Variants in BCAS3 observed in about 807,000 individuals in gnomAD.
BCAS3 encodes the protein BCAS4/BCAS3 fusion.
In BCAS3, 53 loss-of-function variants were observed where a neutral mutation model predicts 116.1. The observed-to-expected ratio is 0.46, with a 90% confidence interval of 0.37 to 0.57. The LOEUF (loss-of-function observed/expected upper bound fraction) is 0.57. Ranked by LOEUF, BCAS3 falls within the 20% of genes least tolerant of loss-of-function variation. The pLI is 0.00. For missense variants in BCAS3, 917 were observed against 1,165.4 expected (o/e 0.79, Z 3.10); for synonymous variants, 391 against 408.2 (o/e 0.96, Z 0.51).
intron 14 of BCAS3, among the ~76,000 whole-genome samples, chr17:60,984,720 T>G (rs935110747): frequency 6.6e-6 from 1 of 152,000 alleles, no homozygotes; most frequent in Non-Finnish European, 1.5e-5. Flanking sequence ...CATGAAATGT[T>G]TTGTTTTATC....
At chr17:60,749,448 C>T (rs907784941) in intron 6 of BCAS3, among the ~76,000 whole-genome samples, 2 of 152,048 alleles carry the variant, frequency 1.3e-5, no homozygotes, top group African/African-American at 2.4e-5. Context: ...TTTTCCTGGA[C>T]CGTTTTAATT....
At chr17:60,823,648 A>C (rs564079992) in intron 7 of BCAS3, among the ~76,000 whole-genome samples, 2 of 152,338 alleles carry the variant, frequency 1.3e-5, no homozygotes, top group Non-Finnish European at 2.9e-5. Context: ...TTCTCTTTAG[A>C]GTTAGGTCAG....
intron 14 of BCAS3, among the ~76,000 whole-genome samples, chr17:60,978,988 T>C (rs947616786): frequency 2.2e-5 from 3 of 138,070 alleles, no homozygotes; most frequent in African/African-American, 8.4e-5. Flanking sequence ...CGATGCGGGC[T>C]CTTTTTTGGT....
intron 22 of BCAS3, among the ~76,000 whole-genome samples, chr17:61,267,512 C>T (rs1337921220): frequency 2.6e-5 from 4 of 151,076 alleles, no homozygotes; most frequent in African/African-American, 7.3e-5. Flanking sequence ...CCAAGGCGGG[C>T]GGATTGCTTG....
chr17:61,281,403 T>C lies in BCAS3; in HGVS notation c.2426-86924T>C, dbSNP rs1283441248. Among the ~76,000 whole-genome samples the C allele has an allele frequency of 2.0e-5, 3 of 152,168 alleles. No individual in the cohort carries two copies. The highest frequency in any genetic ancestry group is 4.4e-5 in the Non-Finnish European group (3 of 68,018). On this transcript the variant is annotated intron_variant, in intron 22 of 23. Transcript: ENST00000407086. This position sits in a 1 kb window ranked among gnomAD's most constrained non-coding sequence, Gnocchi z 4.2. ...TAGGAATTTTTTGTAATTTAATTAT[T>C]TAATGTCAAATTTTCCATCATAGTC...
chr17:60,874,795 C>T, intron 9 of BCAS3, 57 bp downstream of exon 9: 1 of 1,048,894 alleles, frequency 9.5e-7, no homozygotes, highest in Non-Finnish European at 1.4e-6. Flanking sequence ...ACTTACTTGA[C>T]ACAATCAGCA....
chr17:61,015,563 G>A (rs1229943546), intron 15 of BCAS3, among the ~76,000 whole-genome samples, 188 bp from the exon 16 acceptor site: 1 of 152,164 alleles, frequency 6.6e-6, no homozygotes, highest in Non-Finnish European at 1.5e-5. Flanking sequence ...ACAGTCATGA[G>A]CTATCCAGCT....
chr17:60,807,472 A>G (rs1054474947), intron 6 of BCAS3, among the ~76,000 whole-genome samples: 2 of 152,104 alleles, frequency 1.3e-5, no homozygotes, highest in South Asian at 4.1e-4. Flanking sequence ...ATTGGTGCCA[A>G]TTGAAACTTA....
At chr17:61,022,070 A>G (rs889609345) in intron 16 of BCAS3, among the ~76,000 whole-genome samples, 1 of 152,188 alleles carries the variant, frequency 6.6e-6, no homozygotes, top group Non-Finnish European at 1.5e-5. Flanking sequence ...AATAATGGAC[A>G]ATGTATTTTC....
At chr17:60,954,698 A>C (rs2061030257) in intron 14 of BCAS3, among the ~76,000 whole-genome samples, 1 of 152,210 alleles carries the variant, frequency 6.6e-6, no homozygotes, top group Non-Finnish European at 1.5e-5. Flanking sequence ...TTCATGAGTA[A>C]ATATGGGAAT....
At chr17:60,827,729 G>A (rs2050559826) in intron 7 of BCAS3, among the ~76,000 whole-genome samples, 1 of 145,636 alleles carries the variant, frequency 6.9e-6, no homozygotes, top group South Asian at 2.1e-4. Flanking sequence ...TCTTTGTAAT[G>A]CACCCTTCCT....
Position 60,709,210 on chromosome 17 carries a change from C to T in BCAS3, c.215-9C>T. 2 of 1,380,702 alleles carry T rather than the reference C, an allele frequency of 1.4e-6. No homozygotes were observed. The highest frequency in any genetic ancestry group is 1.0e-6 in the Non-Finnish European group (1 of 977,750). The allele number at this position is 1,380,702 out of a possible 1,614,324, so 85.5% of individuals were successfully genotyped here. ...AAATTTGCTTCTTTGTTACTTAATT[C>T]TAATGCAGATACATCAAGAAATCTG... On this transcript the variant is annotated splice_polypyrimidine_tract_variant and intron_variant, in intron 4 of 23. Transcript: ENST00000407086.
At chr17:61,271,775 A>C (rs548127381) in intron 22 of BCAS3, among the ~76,000 whole-genome samples, 6 of 152,028 alleles carry the variant, frequency 3.9e-5, no homozygotes, top group African/African-American at 1.2e-4. Context: ...ATTCTTTCAC[A>C]TGTAGTTAAC....
intron 22 of BCAS3, among the ~76,000 whole-genome samples, chr17:61,257,338 G>A (rs751093243): frequency 7.4e-5 from 11 of 149,092 alleles, no homozygotes; most frequent in African/African-American, 1.2e-4. Flanking sequence ...GAAGAATCGC[G>A]TGAACCTGGG....
intron 14 of BCAS3, among the ~76,000 whole-genome samples, chr17:60,985,435 T>C (rs1389510795): frequency 3.9e-5 from 6 of 152,090 alleles, no homozygotes; most frequent in African/African-American, 1.2e-4. Context: ...GTGTGAGCTG[T>C]CACACCTGGT....
chr17:61,388,015 CT>C lies in BCAS3; in HGVS notation c.2594-3961del, dbSNP rs2059942615. Among the ~76,000 whole-genome samples, 1 of 152,150 alleles carries C rather than the reference CT, an allele frequency of 6.6e-6. No homozygotes were observed. Among genetic ancestry groups the C allele is most frequent in the Admixed American group, 6.5e-5 (1 of 15,278 alleles). ...CCCACTGACCAGAATCTCCACACCT[CT>C]AAGGGGGGAGGTGGCTGGGGACACT... On this transcript the variant is annotated intron_variant, in intron 23 of 23. Coordinates refer to ENST00000407086, the MANE Select transcript of BCAS3 (RefSeq NM_017679.5). This position sits in a 1 kb window ranked among gnomAD's most constrained non-coding sequence, Gnocchi z 6.5.
At position 61,162,582 on chromosome 17, in the gene BCAS3, C is replaced by G. The variant is rs1295458733; in HGVS notation, c.2425+78018C>G. Among the ~76,000 whole-genome samples the G allele has an allele frequency of 6.6e-6, 1 of 152,170 alleles. No homozygotes were observed. The highest frequency in any genetic ancestry group is 1.5e-5 in the Non-Finnish European group (1 of 68,026). ...AGTAATAAGCCTTATTGGTATGGTT[C>G]ACTGATTTTTTTGGACTCTGCATTT... On this transcript the variant is annotated intron_variant, in intron 22 of 23. Transcript: ENST00000407086. This position sits in a 1 kb window ranked among gnomAD's most constrained non-coding sequence, Gnocchi z 5.6.
intron 7 of BCAS3, among the ~76,000 whole-genome samples, chr17:60,860,743 G>A (rs73320604): frequency 0.015 from 2,323 of 152,260 alleles, 64 homozygotes; most frequent in African/African-American, 0.053. Context: ...TTATTGAATA[G>A]GGAGTTTTTT....
intron 7 of BCAS3, chr17:60,821,689 A>C (rs2049982056): frequency 6.6e-6 from 1 of 151,528 alleles, no homozygotes; most frequent in African/African-American, 2.4e-5. Flanking sequence ...TACATGTATC[A>C]ATAGTTTTTT....
Sources: gnomAD v4.1 joint callset for allele counts (sites outside exome capture counted in the v4.1 genomes callset) on GRCh38, gnomAD v4.1.1 for gene constraint, Gnocchi (gnomAD v3.1) non-coding constraint, MANE v1.5 for transcripts, NCBI Gene and HGNC (gene_info 2026-07-23, HGNC 2026-07-21) for gene names.